The following ABLIM1 variants were observed in gnomAD, a reference collection of about 807,000 sequenced individuals.
The protein encoded by ABLIM1 is actin binding LIM protein 1.
A neutral mutation model predicts 107.0 loss-of-function variants in ABLIM1; 40 were observed. The observed-to-expected ratio is 0.37, with a 90% confidence interval of 0.29 to 0.49. ABLIM1 has a LOEUF of 0.49. Ranked by LOEUF, ABLIM1 falls within the 20% of genes least tolerant of loss-of-function variation. The pLI is 0.97. For synonymous variants in ABLIM1, 357 were observed against 357.3 expected (o/e 1.00, Z 0.01); for missense variants, 857 against 1,008.5 (o/e 0.85, Z 2.04).
chr10:114,606,991 C>T (rs371077982), intron 1 of ABLIM1, among the ~76,000 whole-genome samples: 1 of 152,216 alleles, frequency 6.6e-6, no homozygotes, highest in Non-Finnish European at 1.5e-5. Flanking sequence ...GTGCCTCAAT[C>T]CCTTTTCTCA....
intron 17 of ABLIM1, among the ~76,000 whole-genome samples, chr10:114,443,211 A>G (rs1230313238): frequency 6.6e-6 from 1 of 152,220 alleles, no homozygotes; most frequent in Non-Finnish European, 1.5e-5. Context: ...AAATAGATAC[A>G]GGGGAAAATA....
chr10:114,568,893 T>C (rs756955829), intron 4 of ABLIM1, among the ~76,000 whole-genome samples: 7 of 152,138 alleles, frequency 4.6e-5, no homozygotes, highest in Non-Finnish European at 1.0e-4. Context: ...ATGTATGCCA[T>C]ATAAAAACAA....
intron 1 of ABLIM1, among the ~76,000 whole-genome samples, chr10:114,646,964 A>T (rs1465799916): frequency 6.6e-6 from 1 of 152,090 alleles, no homozygotes; most frequent in Non-Finnish European, 1.5e-5. Flanking sequence ...AAGATTAGAC[A>T]GTTTTTTAAA....
At chr10:114,501,914 T>C (rs539180311) in intron 6 of ABLIM1, 1 of 152,356 alleles carries the variant, frequency 6.6e-6, no homozygotes, top group East Asian at 1.9e-4. Context: ...GACAAATTTA[T>C]AGTGACATGT....
At chr10:114,464,083 GAAC>G (rs1226036087) in intron 12 of ABLIM1, among the ~76,000 whole-genome samples, 1 of 152,030 alleles carries the variant, frequency 6.6e-6, no homozygotes, top group Non-Finnish European at 1.5e-5. Context: ...GGGGTCTTTG[GAAC>G]AACAATGCCC....
chr10:114,743,649 CT>C (rs1482795179), intron 1 of ABLIM1, among the ~76,000 whole-genome samples: 1 of 152,140 alleles, frequency 6.6e-6, no homozygotes, highest in Non-Finnish European at 1.5e-5. Context: ...GGGGAAGTTA[CT>C]GTGTTAGTCA....
intron 1 of ABLIM1, chr10:114,631,805 C>T (rs1377148622): frequency 1.6e-6 from 2 of 1,238,120 alleles, no homozygotes; most frequent in Non-Finnish European, 1.1e-6. Flanking sequence ...AACATGTCCG[C>T]CCGGCTTTCG....
At chr10:114,782,717 T>C in the ABLIM1 span, among the ~76,000 whole-genome samples, 4 of 152,108 alleles carry the variant, frequency 2.6e-5, no homozygotes, top group South Asian at 2.1e-4. Flanking sequence ...GGAAGAAGAA[T>C]TGAAGTTCAG....
chr10:114,513,674 G>T (rs1022638206), intron 6 of ABLIM1, among the ~76,000 whole-genome samples: 1 of 152,144 alleles, frequency 6.6e-6, no homozygotes, highest in Non-Finnish European at 1.5e-5. Context: ...GGAGCAAAGG[G>T]TATCCCTCAT....
At chr10:114,691,323 AT>A (rs992854348) in intron 1 of ABLIM1, among the ~76,000 whole-genome samples, 5 of 152,180 alleles carry the variant, frequency 3.3e-5, no homozygotes, top group Admixed American at 6.5e-5. Flanking sequence ...ATTTGCATGA[AT>A]TTTTTTCATA....
intron 4 of ABLIM1, among the ~76,000 whole-genome samples, chr10:114,560,377 C>G: frequency 6.6e-6 from 1 of 152,252 alleles, no homozygotes; most frequent in Non-Finnish European, 1.5e-5. Flanking sequence ...AGACTGCATA[C>G]ATGACGGTAG....
intron 4 of ABLIM1, among the ~76,000 whole-genome samples, chr10:114,569,051 G>T (rs962897544): frequency 6.6e-6 from 1 of 152,068 alleles, no homozygotes; most frequent in Admixed American, 6.6e-5. Context: ...ACAATGAAGA[G>T]TATTAGATTT....
intron 4 of ABLIM1, among the ~76,000 whole-genome samples, chr10:114,561,487 C>T (rs985712186): frequency 3.3e-5 from 5 of 152,196 alleles, no homozygotes; most frequent in Non-Finnish European, 7.3e-5. Context: ...GTGGGAAATA[C>T]ACTAAAAATC....
At chr10:114,718,923 C>T (rs1365572823) in intron 1 of ABLIM1, among the ~76,000 whole-genome samples, 1 of 152,158 alleles carries the variant, frequency 6.6e-6, no homozygotes, top group Non-Finnish European at 1.5e-5. Context: ...ACCAAAGAAA[C>T]TATTAACAGT....
chr10:114,547,520 T>C (rs1163643794), intron 5 of ABLIM1, 130 bp downstream of exon 5: 10 of 1,254,352 alleles, frequency 8.0e-6, no homozygotes, highest in Non-Finnish European at 1.1e-5. Context: ...AGCAACAAGT[T>C]CATTATGATG....
At chr10:114,441,129 A>G (rs1342479690) in intron 18 of ABLIM1, 52 bp from the exon 19 acceptor site, 23 of 1,519,032 alleles carry the variant, frequency 1.5e-5, no homozygotes, top group Non-Finnish European at 2.0e-5. Context: ...ATCGTTTTGG[A>G]GTCAGGTGAA....
intron 6 of ABLIM1, among the ~76,000 whole-genome samples, chr10:114,512,038 T>C (rs1259658504): frequency 6.6e-6 from 1 of 152,200 alleles, no homozygotes; most frequent in Non-Finnish European, 1.5e-5. Flanking sequence ...TCAATTTCCT[T>C]CTGTCCAATT....
the ABLIM1 span, among the ~76,000 whole-genome samples, chr10:114,786,923 T>A: frequency 6.6e-6 from 1 of 151,676 alleles, no homozygotes; most frequent in Admixed American, 6.6e-5. Context: ...CCACCCCGTC[T>A]GGGAAGTGAG....
intron 1 of ABLIM1, among the ~76,000 whole-genome samples, chr10:114,666,892 C>G (rs2080048424): frequency 6.6e-6 from 1 of 152,184 alleles, no homozygotes; most frequent in South Asian, 2.1e-4. Context: ...AGCCAGTACT[C>G]AGATCCAAGC....
Sources: gnomAD v4.1 joint callset for allele counts (sites outside exome capture counted in the v4.1 genomes callset) on GRCh38, gnomAD v4.1.1 for gene constraint, MANE v1.5 for transcripts, NCBI Gene and HGNC (gene_info 2026-07-23, HGNC 2026-07-21) for gene names.